Variants in ZNF346 observed in about 807,000 individuals in gnomAD.
ZNF346 encodes the protein zinc finger protein 346.
Under a neutral mutation model 33.7 loss-of-function variants are expected in ZNF346, and 23 were observed. That is an observed-to-expected ratio of 0.68 (90% CI 0.49 to 0.97). The LOEUF (loss-of-function observed/expected upper bound fraction) is 0.97. ZNF346 is among the 50% of genes least tolerant of loss of function. The probability of loss-of-function intolerance (pLI) is 0.00; values close to 1 mark genes in which losing one functional copy is unlikely to be tolerated. For synonymous variants in ZNF346, 134 were observed against 142.4 expected, an observed-to-expected ratio of 0.94 and a Z score of 0.42; for missense variants, 340 against 371.1, an observed-to-expected ratio of 0.92 and a Z score of 0.69.
rs528464590 is a variant in ZNF346, at chr5:177,053,916, A to G, written c.703+2980A>G. Among the ~76,000 whole-genome samples, 135 of 152,332 alleles carry G rather than the reference A, an allele frequency of 8.9e-4. 1 individual carries two copies. In the Middle Eastern group the frequency reaches 0.014, roughly 15 times the overall value. On this transcript the variant is annotated intron_variant, in intron 5 of 6. Coordinates refer to ENST00000358149, the MANE Select transcript of ZNF346 (RefSeq NM_012279.4). ...TACGGTGTTTTTCTCTCTGAGAACC[A>G]ACATGGCTAAGGCACTAATGAGCAG...
intron 5 of ZNF346, among the ~76,000 whole-genome samples, chr5:177,060,981 A>G (rs973837992): frequency 1.3e-5 from 2 of 152,096 alleles, no homozygotes; most frequent in Non-Finnish European, 2.9e-5. Context: ...GTGTGGTGGC[A>G]GGCGCCTGTA....
At chr5:177,071,119 G>A (rs1205774963), downstream of ZNF346, among the ~76,000 whole-genome samples, 1 of 152,180 alleles carries the variant, frequency 6.6e-6, no homozygotes, top group Non-Finnish European at 1.5e-5. Flanking sequence ...GGAGCCCTAA[G>A]TGTTGGTCTG....
At chr5:177,035,308 G>A (rs556922402) in intron 1 of ZNF346, among the ~76,000 whole-genome samples, 64 of 152,242 alleles carry the variant, frequency 4.2e-4, no homozygotes, top group African/African-American at 1.4e-3. Context: ...GAGCCACCAC[G>A]CCCTGCCTCT....
rs117499145 is a variant in ZNF346 at position 177,039,894 on chromosome 5, G to A, written c.176-1232G>A. Among the ~76,000 whole-genome samples, 467 of 152,306 alleles carry A rather than the reference G, an allele frequency of 3.1e-3. 10 individuals are homozygous for A. In the East Asian group the frequency reaches 0.058, roughly 19 times the overall value. On this transcript the variant is annotated intron_variant, in intron 1 of 6. Transcript: ENST00000358149. ...TTGCCAGCGCCATGATAGAACTCAT[G>A]CCTTGGCCGGGCGCGGTGGCTCACG... is the stretch of plus-strand genomic sequence containing the variant.
Position 177,077,158 on chromosome 5 carries a change from G to A in ZNF346, c.*3-2224G>A, listed in dbSNP as rs1280722661. Among the ~76,000 whole-genome samples, 2 of 152,208 alleles carry A rather than the reference G, an allele frequency of 1.3e-5. No homozygotes were observed. Among genetic ancestry groups the A allele is most frequent in the Non-Finnish European group, 2.9e-5 (2 of 68,048 alleles). On this transcript the variant is annotated intron_variant, in intron 8 of 8. Coordinates refer to the ZNF346 transcript ENST00000503039. The surrounding 1 kb of genome is among the most constrained non-coding windows in gnomAD (Gnocchi z 5.0). ...AAGTTTAAAAGTAATGTGTTATGAA[G>A]CAATGGATAACTAATACAGGTCTTT...
intron 1 of ZNF346, among the ~76,000 whole-genome samples, chr5:177,039,338 G>A (rs1581841595): frequency 6.6e-6 from 1 of 152,086 alleles, no homozygotes; most frequent in East Asian, 1.9e-4. Context: ...GAGATCATTA[G>A]GGGCAGAAAT....
At chr5:177,073,584 G>A (rs1216705520) in intron 8 of ZNF346, among the ~76,000 whole-genome samples, 2 of 152,182 alleles carry the variant, frequency 1.3e-5, no homozygotes, top group African/African-American at 4.8e-5. Flanking sequence ...GATTGCAGAC[G>A]TGAGCCACCG....
intron 4 of ZNF346, among the ~76,000 whole-genome samples, chr5:177,048,197 G>T (rs1014157710): frequency 6.6e-6 from 1 of 151,904 alleles, no homozygotes; most frequent in East Asian, 2.0e-4. Flanking sequence ...TATTGGATGC[G>T]CATTAAATGG....
In ZNF346 at chr5:177,064,541, G is replaced by T. The variant is rs1782957286; in HGVS notation, c.827G>T (p.Gly276Val). 6.2e-7 allele frequency: 1 copy of T among 1,614,204 alleles called. No individual in the cohort carries two copies. The highest frequency in any genetic ancestry group is 8.5e-7 in the Non-Finnish European group (1 of 1,180,028). Residue 276 changes from glycine to valine, a missense_variant, in exon 7 of 7, where the codon GGC becomes GTC. By Grantham distance (109) the Gly-to-Val change is moderately radical. Coordinates refer to ENST00000358149, the MANE Select transcript of ZNF346 (RefSeq NM_012279.4). Reference sequence around the variant, plus strand: ...CCAAAAACAGTGGCATCATCCCTGGGCCAGATTCCAATGCAAAGGCAACCC... The same window carrying T: ...CCAAAAACAGTGGCATCATCCCTGGTCCAGATTCCAATGCAAAGGCAACCC... ...QSPKTVASSL[G>V]QIPMQRQPIQ...
chr5:177,033,326 G>A (rs905449134), intron 1 of ZNF346, among the ~76,000 whole-genome samples: 19 of 152,138 alleles, frequency 1.2e-4, no homozygotes, highest in Admixed American at 6.5e-4. Flanking sequence ...CAATCCTCTA[G>A]CCTCAGTCTC....
chr5:177,037,968 A>G (rs938469219), intron 1 of ZNF346, among the ~76,000 whole-genome samples: 2 of 151,994 alleles, frequency 1.3e-5, no homozygotes, highest in African/African-American at 4.8e-5. Flanking sequence ...GCTTCTCTCC[A>G]TTCTTTGAAC....
chr5:177,062,650 CA>C (rs893591433), intron 6 of ZNF346, among the ~76,000 whole-genome samples: 1 of 152,172 alleles, frequency 6.6e-6, no homozygotes, highest in African/African-American at 2.4e-5. Flanking sequence ...AGTAAACAAC[CA>C]ATAATCACAG....
At chr5:177,079,020 C>A (rs1380816266) in intron 8 of ZNF346, among the ~76,000 whole-genome samples, 1 of 152,046 alleles carries the variant, frequency 6.6e-6, no homozygotes, top group East Asian at 1.9e-4. Context: ...CCTATAATCC[C>A]AGCACTTTGG....
At chr5:177,033,385 T>C (rs993621742) in intron 1 of ZNF346, among the ~76,000 whole-genome samples, 3 of 152,232 alleles carry the variant, frequency 2.0e-5, no homozygotes, top group Non-Finnish European at 4.4e-5. Context: ...CCCTAGGATC[T>C]TTTATTTTCT....
intron 1 of ZNF346, among the ~76,000 whole-genome samples, chr5:177,035,304 C>T (rs2149606015): frequency 6.6e-6 from 1 of 152,304 alleles, no homozygotes; most frequent in East Asian, 1.9e-4. Flanking sequence ...GGCTGAGCCA[C>T]CACGCCCTGC....
At chr5:177,056,042 C>T (rs1241965501) in intron 5 of ZNF346, among the ~76,000 whole-genome samples, 1 of 148,652 alleles carries the variant, frequency 6.7e-6, no homozygotes, top group Non-Finnish European at 1.5e-5. Flanking sequence ...TGTCACTGCA[C>T]TCCAGCCTGG....
At chr5:177,054,391 A>T (rs251845) in intron 5 of ZNF346, among the ~76,000 whole-genome samples, 86,023 of 149,988 alleles carry the variant, frequency 0.57, 25,849 homozygotes, top group African/African-American at 0.79. Context: ...TTATTTATTT[A>T]TTTATTTTTT....
rs988373444 is a variant in ZNF346, at chr5:177,064,683, G to A, written c.*84G>A. ...CTCAGCCCTTGGCTCCCTCTTGCTC[G>A]TTGTTCTCACCAGGAAAGTACACGG... On this transcript the variant is annotated 3_prime_UTR_variant, in exon 7 of 7. Transcript: ENST00000358149. 5.0e-5 allele frequency: 56 copies of A among 1,130,154 alleles called. No homozygotes were observed. The highest frequency in any genetic ancestry group is 1.4e-4 in the African/African-American group (9 of 65,712). The allele number at this position is 1,130,154 out of a possible 1,614,324, so 70.0% of individuals were successfully genotyped here.
chr5:177,061,464 T>C (rs1782543486), intron 5 of ZNF346, among the ~76,000 whole-genome samples: 1 of 151,924 alleles, frequency 6.6e-6, no homozygotes, highest in Non-Finnish European at 1.5e-5. Context: ...AAGAAAAGGA[T>C]CAGAAGAAAG....
Sources: gnomAD v4.1 joint callset for allele counts (sites outside exome capture counted in the v4.1 genomes callset) on GRCh38, gnomAD v4.1.1 for gene constraint, Gnocchi (gnomAD v3.1) non-coding constraint, MANE v1.5 for transcripts, NCBI Gene and HGNC (gene_info 2026-07-23, HGNC 2026-07-21) for gene names.